RAPGEF2: variants seen among roughly 807,000 people sequenced by gnomAD.
RAPGEF2 encodes PDZ domain containing guanine nucleotide exchange factor (GEF) 1.
RAPGEF2 carries 54 observed loss-of-function variants against 186.7 expected under a neutral mutation model. That is an observed-to-expected ratio of 0.29 (90% CI 0.23 to 0.36). The LOEUF (loss-of-function observed/expected upper bound fraction) is 0.36, where lower values mean the gene tolerates loss of function less well. Ranked by LOEUF, RAPGEF2 falls within the 10% of genes least tolerant of loss-of-function variation. The pLI is 1.00. For synonymous variants in RAPGEF2, 712 were observed against 705.9 expected (o/e 1.01, Z -0.14); for missense variants, 1,532 against 2,045.0 (o/e 0.75, Z 4.84).
At chr4:159,191,800 GA>G (rs1391744834) in intron 2 of RAPGEF2, among the ~76,000 whole-genome samples, 3 of 152,062 alleles carry the variant, frequency 2.0e-5, no homozygotes, top group Non-Finnish European at 4.4e-5. Flanking sequence ...TCTGTGATGG[GA>G]AAAAAGCAAA....
chr4:159,345,504 G>T (rs12510638), intron 24 of RAPGEF2, among the ~76,000 whole-genome samples, 175 bp downstream of exon 24: 32,766 of 152,116 alleles, frequency 0.22, 5,097 homozygotes, highest in African/African-American at 0.44. Context: ...CACTGTGCAC[G>T]GCCAGGCCGT....
chr4:159,236,514 C>T (rs1025184260), intron 4 of RAPGEF2, among the ~76,000 whole-genome samples: 9 of 152,120 alleles, frequency 5.9e-5, no homozygotes. Flanking sequence ...AATTTGTAAA[C>T]AATTCTAGCA....
chr4:159,186,534 T>A (rs1747572466), intron 1 of RAPGEF2, 108 bp from the exon 2 acceptor site: 4 of 502,972 alleles, frequency 8.0e-6, no homozygotes, highest in Non-Finnish European at 1.3e-5. Context: ...CATGTATTTT[T>A]AAAAAAGCTA....
chr4:159,104,477 A>C (rs572661178), intron 1 of RAPGEF2, among the ~76,000 whole-genome samples: 1 of 136,498 alleles, frequency 7.3e-6, no homozygotes, highest in Non-Finnish European at 1.6e-5. Context: ...CTTTCCCACT[A>C]TGTTGCCCAG....
intron 7 of RAPGEF2, among the ~76,000 whole-genome samples, chr4:159,244,530 A>C (rs969573971): frequency 7.9e-5 from 12 of 151,978 alleles, no homozygotes; most frequent in Non-Finnish European, 1.3e-4. Flanking sequence ...TTGAAGATCT[A>C]GATTACATTT....
chr4:159,248,639 A>T (rs1754940961), intron 7 of RAPGEF2, among the ~76,000 whole-genome samples: 1 of 152,212 alleles, frequency 6.6e-6, no homozygotes, highest in East Asian at 1.9e-4. Flanking sequence ...TCCTTGCTTT[A>T]GGGGGACTAA....
intron 7 of RAPGEF2, among the ~76,000 whole-genome samples, chr4:159,284,157 C>T (rs916364343): frequency 6.6e-6 from 1 of 152,168 alleles, no homozygotes; most frequent in African/African-American, 2.4e-5. Flanking sequence ...CTTTTAACTT[C>T]CCAATACACC....
intron 5 of RAPGEF2, chr4:159,240,887 C>A: frequency 5.0e-6 from 1 of 200,432 alleles, no homozygotes; most frequent in East Asian, 9.2e-5. Context: ...GGTAATGTAT[C>A]CTGTGAGATC....
At chr4:159,110,566 G>A (rs930347487) in intron 1 of RAPGEF2, among the ~76,000 whole-genome samples, 3 of 152,082 alleles carry the variant, frequency 2.0e-5, no homozygotes, top group Non-Finnish European at 4.4e-5. Context: ...TAACAAGAGC[G>A]AAACCCCATC....
In RAPGEF2 at chr4:159,183,746, AT is replaced by A. The variant is rs971726176; in HGVS notation, c.70-2888del. Reference sequence around the variant, plus strand: ...AAACCAATTAAAATATGAACAAAGAATTTTTTTTATTATACTTTAAGTTCTA... The same window carrying A: ...AAACCAATTAAAATATGAACAAAGAATTTTTTTATTATACTTTAAGTTCTA... On this transcript the variant is annotated intron_variant, in intron 1 of 29. Transcript: ENST00000691494. Among the ~76,000 whole-genome samples, 54 of 151,980 alleles carry A rather than the reference AT, an allele frequency of 3.6e-4. 1 individual carries two copies. The highest frequency in any genetic ancestry group is 1.2e-3 in the African/African-American group (48 of 41,384).
chr4:159,353,868 A>T lies in RAPGEF2; in HGVS notation c.4473A>T (p.Thr1491=). The change falls in exon 28 of 30, where the codon ACA becomes ACT. Residue 1491 remains threonine, a synonymous_variant. Coordinates refer to ENST00000691494, the MANE Select transcript of RAPGEF2 (RefSeq NM_001394067.2). The surrounding 1 kb of genome is among the most constrained non-coding windows in gnomAD (Gnocchi z 4.3). ...AQSRASWASS[T]GYWGEDSEGD... is the part of the protein sequence containing the mutation. ...CCCGAGCAAGCTGGGCGTCTTCCAC[A>T]GGTTACTGGGGAGAAGACTCAGAAG... 1 of 1,614,152 alleles carries T rather than the reference A, an allele frequency of 6.2e-7. No individual in the cohort carries two copies. Among genetic ancestry groups the T allele is most frequent in the Non-Finnish European group, 8.5e-7 (1 of 1,180,008 alleles).
At chr4:159,111,785 G>A (rs1257408915) in intron 1 of RAPGEF2, among the ~76,000 whole-genome samples, 2 of 152,182 alleles carry the variant, frequency 1.3e-5, no homozygotes, top group African/African-American at 4.8e-5. Flanking sequence ...TTTAGCTTAA[G>A]ATAAATGTAG....
intron 17 of RAPGEF2, among the ~76,000 whole-genome samples, chr4:159,333,843 A>T (rs1438622679): frequency 1.3e-5 from 2 of 152,248 alleles, no homozygotes; most frequent in African/African-American, 4.8e-5. Context: ...GGGTCTAAAG[A>T]CATGCAGTAG....
intron 1 of RAPGEF2, among the ~76,000 whole-genome samples, chr4:159,104,543 A>C (rs1391001548): frequency 7.8e-6 from 1 of 128,182 alleles, no homozygotes; most frequent in Non-Finnish European, 1.6e-5. Context: ...ACAGAGAGAG[A>C]GAGAGAGAGA....
At chr4:159,209,778 A>T (rs1750340752) in intron 3 of RAPGEF2, among the ~76,000 whole-genome samples, 1 of 152,266 alleles carries the variant, frequency 6.6e-6, no homozygotes. Context: ...CCTTTCTTCC[A>T]GCTACTACTG....
At chr4:159,212,140 G>A (rs1750593855) in intron 4 of RAPGEF2, among the ~76,000 whole-genome samples, 1 of 152,132 alleles carries the variant, frequency 6.6e-6, no homozygotes, top group African/African-American at 2.4e-5. Context: ...TGTACCTCCT[G>A]GAAATCTGCC....
Position 159,176,576 on chromosome 4 carries a change from A to G in RAPGEF2, c.70-10066A>G, listed in dbSNP as rs189579639. Among the ~76,000 whole-genome samples, 331 of 152,302 alleles carry G rather than the reference A, an allele frequency of 2.2e-3. 2 individuals carry two copies. The highest frequency in any genetic ancestry group is 7.4e-3 in the African/African-American group (308 of 41,572). ...TCAATATAACAGGTTTTTTTCAAATAATACTTCAGTTGTGTGGATATATTT... is the reference window on the plus strand; with the variant it reads ...TCAATATAACAGGTTTTTTTCAAATGATACTTCAGTTGTGTGGATATATTT... On this transcript the variant is annotated intron_variant, in intron 1 of 29. Transcript: ENST00000691494.
At chr4:159,111,431 G>A (rs961848943) in intron 1 of RAPGEF2, among the ~76,000 whole-genome samples, 2 of 152,202 alleles carry the variant, frequency 1.3e-5, no homozygotes, top group African/African-American at 2.4e-5. Context: ...TGTACATTTC[G>A]CTGCCATTTG....
At chr4:159,330,110 A>T (rs1766441955) in intron 12 of RAPGEF2, 100 bp downstream of exon 12, 6 of 1,245,542 alleles carry the variant, frequency 4.8e-6, no homozygotes, top group Non-Finnish European at 6.7e-6. Context: ...CCTATCTCTT[A>T]AAGGTTATCA....
Sources: gnomAD v4.1 joint callset for allele counts (sites outside exome capture counted in the v4.1 genomes callset) on GRCh38, gnomAD v4.1.1 for gene constraint, Gnocchi (gnomAD v3.1) non-coding constraint, MANE v1.5 for transcripts, NCBI Gene and HGNC (gene_info 2026-07-23, HGNC 2026-07-21) for gene names.